The following RFFL variants were observed in gnomAD, a reference collection of about 807,000 sequenced individuals.
The protein encoded by RFFL is ring finger and FYVE like domain containing E3 ubiquitin protein ligase, also known as E3 ubiquitin-protein ligase rififylin.
Under a neutral mutation model 40.4 loss-of-function variants are expected in RFFL, and 16 were observed. The observed-to-expected ratio is 0.40, with a 90% CI of 0.27 to 0.60. The LOEUF (loss-of-function observed/expected upper bound fraction) is 0.60. RFFL is among the 20% of genes least tolerant of loss of function. The pLI is 0.47. For missense variants in RFFL, 367 were observed against 451.7 expected, an observed-to-expected ratio of 0.81 and a Z score of 1.70; for synonymous variants, 154 against 167.9, an observed-to-expected ratio of 0.92 and a Z score of 0.64.
Position 35,086,426 on chromosome 17 carries a change from G to A in RFFL, c.-9+2679C>T, listed in dbSNP as rs564648959. Among the ~76,000 whole-genome samples, 7 of 151,106 alleles carry A rather than the reference G, an allele frequency of 4.6e-5. 1 individual carries two copies. The South Asian group carries it at 1.5e-3, about 31-fold the overall frequency. Reference sequence around the variant, plus strand: ...CCAGGAGGCAAGGTTGCATCGAGCTGAAATCATTCCATGGCACTCCAGCAT... The same window carrying A: ...CCAGGAGGCAAGGTTGCATCGAGCTAAAATCATTCCATGGCACTCCAGCAT... On this transcript the variant is annotated intron_variant, in intron 1 of 6. Transcript: ENST00000315249.
chr17:35,053,439 C>T (rs1257009652), intron 1 of RFFL, among the ~76,000 whole-genome samples: 1 of 152,136 alleles, frequency 6.6e-6, no homozygotes. Flanking sequence ...CCAAGAAATA[C>T]TAGAGATAGG....
chr17:35,088,315 A>C (rs2091441076), intron 1 of RFFL, among the ~76,000 whole-genome samples: 1 of 152,144 alleles, frequency 6.6e-6, no homozygotes, highest in South Asian at 2.1e-4. Flanking sequence ...TCTTGATTAC[A>C]CAAGCAGTCT....
At chr17:35,049,531 T>C (rs2091219795) in intron 1 of RFFL, among the ~76,000 whole-genome samples, 1 of 152,078 alleles carries the variant, frequency 6.6e-6, no homozygotes, top group Non-Finnish European at 1.5e-5. Context: ...GTTCAGAAAA[T>C]AGGGGCTGCT....
chr17:35,087,536 A>T (rs1041141751), intron 1 of RFFL, among the ~76,000 whole-genome samples: 7 of 152,162 alleles, frequency 4.6e-5, no homozygotes, highest in African/African-American at 1.7e-4. Context: ...CCTTGATCCC[A>T]ATGTAAACAA....
rs532880046 is a variant in RFFL at position 35,008,207 on chromosome 17, A to C, written c.*3761T>G. The C allele has an allele frequency of 1.3e-5, 2 of 152,380 alleles. No homozygotes were observed. The highest frequency in any genetic ancestry group is 4.8e-5 in the African/African-American group (2 of 41,594). The allele number at this position is 152,380 out of a possible 1,614,324, so 9.4% of individuals were successfully genotyped here. A position where few individuals can be genotyped will look rare whatever the true frequency, so the allele number is the denominator to read the frequency against. ...TAGATCAGTGTAAATATCTGAACTC[A>C]CTTGGTGCTTCAACCCAATTGGTCT... is the stretch of plus-strand genomic sequence containing the variant. On this transcript the variant is annotated 3_prime_UTR_variant, in exon 7 of 7. Transcript: ENST00000394597.
rs144871786 is a variant in RFFL at position 35,085,591 on chromosome 17, G to A, written c.-9+3514C>T. Reference sequence around the variant, plus strand: ...ATTACAGGCATGCACCACCATGCCCGGCTAATTTTGTGTTTTCAGTAGAAA... The same window carrying A: ...ATTACAGGCATGCACCACCATGCCCAGCTAATTTTGTGTTTTCAGTAGAAA... On this transcript the variant is annotated intron_variant, in intron 1 of 6. Transcript: ENST00000315249. Among the ~76,000 whole-genome samples, 810 of 152,164 alleles carry A rather than the reference G, an allele frequency of 5.3e-3. 8 individuals carry two copies. The highest frequency in any genetic ancestry group is 0.018 in the African/African-American group (760 of 41,492).
At position 35,017,585 on chromosome 17, in the gene RFFL, C is replaced by G. The variant is rs1489989830; in HGVS notation, c.613G>C (p.Asp205His). The change falls in exon 4 of 7, where the codon GAT becomes CAT. Residue 205 changes from aspartate (D) to histidine (H), a missense_variant. Asp to His is a moderately conservative substitution (Grantham distance 81). Transcript: ENST00000394597. ...NQQANGHVSQ[D>H]QEEPVYLESV... is the part of the protein sequence containing the mutation. Reference sequence around the variant, plus strand: ...TCCAGGTAGACGGGTTCCTCTTGATCCTGAGACACATGGCCATTGGCCTGT... The same window carrying G: ...TCCAGGTAGACGGGTTCCTCTTGATGCTGAGACACATGGCCATTGGCCTGT... The G allele has an allele frequency of 1.9e-6, 3 of 1,610,994 alleles. No individual in the cohort carries two copies. The highest frequency in any genetic ancestry group is 1.7e-6 in the Non-Finnish European group (2 of 1,178,536).
At chr17:35,072,567 A>ACACACACACACACACACATG (rs1491205380) in intron 1 of RFFL, among the ~76,000 whole-genome samples, 1 of 96,866 alleles carries the variant, frequency 1.0e-5, no homozygotes, top group Non-Finnish European at 2.6e-5. Flanking sequence ...GCAGAAAACT[A>ACACACACACACACACACATG]CACACACACA....
At chr17:35,065,884 G>A (rs2091318840), upstream of RFFL, among the ~76,000 whole-genome samples, 1 of 152,202 alleles carries the variant, frequency 6.6e-6, no homozygotes. Flanking sequence ...GAGGATTTAT[G>A]AGGTTACATG....
At position 35,028,514 on chromosome 17, in the gene RFFL, T is replaced by C. The variant is rs1165031692; in HGVS notation, c.-8-1953A>G. On this transcript the variant is annotated intron_variant, in intron 1 of 6. Coordinates refer to ENST00000394597, the MANE Select transcript of RFFL (RefSeq NM_001017368.2). ...AGAGGGCCCACTCAAATGCCAAGCA[T>C]TGATGTGAGATATGAGTATGTTTTT... 3.9e-5 allele frequency among the ~76,000 whole-genome samples: 6 copies of C among 152,066 alleles called. No homozygotes were observed. The South Asian group carries it at 1.0e-3, about 26-fold the overall frequency.
upstream of RFFL, among the ~76,000 whole-genome samples, chr17:35,065,934 T>C (rs1248773940): frequency 3.3e-5 from 5 of 152,132 alleles, no homozygotes; most frequent in African/African-American, 7.2e-5. Flanking sequence ...AAATAATAAC[T>C]GTGGCTTTCT....
At chr17:35,084,196 GC>G (rs1446250863) in intron 1 of RFFL, among the ~76,000 whole-genome samples, 1 of 152,158 alleles carries the variant, frequency 6.6e-6, no homozygotes, top group Non-Finnish European at 1.5e-5. Context: ...CCGAGATCAT[GC>G]CACGCACTCT....
At chr17:35,051,395 A>C (rs2091230889) in intron 1 of RFFL, among the ~76,000 whole-genome samples, 1 of 152,196 alleles carries the variant, frequency 6.6e-6, no homozygotes, top group African/African-American at 2.4e-5. Context: ...GTTTTGGGCT[A>C]TCTGATCTCT....
At chr17:35,021,281 A>C in intron 3 of RFFL, 90 bp downstream of exon 3, 1 of 1,297,492 alleles carries the variant, frequency 7.7e-7, no homozygotes, top group Non-Finnish European at 1.1e-6. Context: ...TTAGCCTTAT[A>C]CCCCATTCTC....
rs2090899909 is a variant in RFFL at position 35,007,020 on chromosome 17, AG to A, written c.*4947del. 1 of 152,258 alleles carries A rather than the reference AG, an allele frequency of 6.6e-6. No homozygotes were observed. Among genetic ancestry groups the A allele is most frequent in the Admixed American group, 6.5e-5 (1 of 15,288 alleles). The allele number at this position is 152,258 out of a possible 1,614,324, so 9.4% of individuals were successfully genotyped here. A position where few individuals can be genotyped will look rare whatever the true frequency, so the allele number is the denominator to read the frequency against. On this transcript the variant is annotated 3_prime_UTR_variant, in exon 7 of 7. Coordinates refer to ENST00000394597, the MANE Select transcript of RFFL (RefSeq NM_001017368.2). ...TATTCCATCCTCTATGGAGACAAAA[AG>A]CTGCTCCTCCTTTGAGTACTGACCT...
At chr17:35,034,906 C>T (rs913822960) in intron 1 of RFFL, among the ~76,000 whole-genome samples, 4 of 152,036 alleles carry the variant, frequency 2.6e-5, no homozygotes, top group Non-Finnish European at 5.9e-5. Context: ...GTCTTTGTCC[C>T]GAGGGGATTT....
intron 1 of RFFL, among the ~76,000 whole-genome samples, chr17:35,073,053 A>AAAC (rs754372791): frequency 3.3e-5 from 5 of 151,964 alleles, no homozygotes; most frequent in Non-Finnish European, 7.4e-5. Flanking sequence ...CAAAAAAAAA[A>AAAC]AACATGAAAT....
chr17:35,070,614 TCA>T (rs1268369772), intron 1 of RFFL, among the ~76,000 whole-genome samples: 5 of 152,136 alleles, frequency 3.3e-5, no homozygotes, highest in Non-Finnish European at 5.9e-5. Flanking sequence ...AACAAGAAAT[TCA>T]CAGTTTTGAA....
chr17:35,028,602 A>C (rs1015654779), intron 1 of RFFL, among the ~76,000 whole-genome samples: 1 of 152,106 alleles, frequency 6.6e-6, no homozygotes, highest in Non-Finnish European at 1.5e-5. Context: ...TACAGAGACA[A>C]TAAATGAAAC....
Sources: allele counts gnomAD v4.1 joint callset (sites outside exome capture counted in the v4.1 genomes callset), GRCh38; gene constraint gnomAD v4.1.1; transcripts MANE v1.5; gene names NCBI Gene and HGNC (gene_info 2026-07-23, HGNC 2026-07-21).